The following PCNX2 variants were observed in gnomAD, a reference collection of about 807,000 sequenced individuals.
PCNX2 encodes the protein pecanex 2.
In PCNX2, 168 loss-of-function variants were observed where a neutral mutation model predicts 223.8. The observed-to-expected ratio is 0.75, with a 90% confidence interval of 0.66 to 0.85. PCNX2 has a LOEUF of 0.85. Ranked by LOEUF, PCNX2 falls within the 40% of genes least tolerant of loss-of-function variation. The pLI, the probability that PCNX2 is intolerant of heterozygous loss-of-function variation, is 0.00. For missense variants in PCNX2, 2,507 were observed against 2,675.5 expected (o/e 0.94, Z 1.39); for synonymous variants, 1,006 against 1,052.6 (o/e 0.96, Z 0.86).
At chr1:233,153,120 G>C (rs1167383599) in intron 19 of PCNX2, among the ~76,000 whole-genome samples, 1 of 152,186 alleles carries the variant, frequency 6.6e-6, no homozygotes, top group Non-Finnish European at 1.5e-5. Context: ...AGCAGCAGTG[G>C]ATGCTGGAAG....
At chr1:233,265,252 A>G (rs1660267450) in intron 1 of PCNX2, among the ~76,000 whole-genome samples, 1 of 151,594 alleles carries the variant, frequency 6.6e-6, no homozygotes, top group Non-Finnish European at 1.5e-5. Flanking sequence ...TCTAAAAAAA[A>G]AAAAGGAATT....
At chr1:233,313,957 C>T in the PCNX2 span, among the ~76,000 whole-genome samples, 1 of 152,166 alleles carries the variant, frequency 6.6e-6, no homozygotes, top group East Asian at 1.9e-4. Context: ...CCACATCTGT[C>T]AAAATTACAA....
At chr1:233,130,465 T>TTGTGTG (rs55865610) in intron 21 of PCNX2, among the ~76,000 whole-genome samples, 29,136 of 136,180 alleles carry the variant, frequency 0.21, 3,260 homozygotes, top group East Asian at 0.27. Flanking sequence ...CCCCCAACTT[T>TTGTGTG]TGTGTGTGTG....
chr1:233,145,225 C>T lies in PCNX2; in HGVS notation c.3518-5370G>A, dbSNP rs960008407. On this transcript the variant is annotated intron_variant, in intron 19 of 33. Coordinates refer to ENST00000258229, the MANE Select transcript of PCNX2 (RefSeq NM_014801.4). ...TTGTGATTCGCCTGCTTCGGACTCC[C>T]AAAGTGTTGGGATTACAGCCATGAG... Among the ~76,000 whole-genome samples the T allele has an allele frequency of 3.3e-5, 5 of 152,214 alleles. No homozygotes were observed. In the East Asian group the frequency reaches 5.8e-4, roughly 18 times the overall value.
intron 23 of PCNX2, among the ~76,000 whole-genome samples, chr1:233,074,711 A>G (rs1017536445): frequency 6.6e-6 from 1 of 152,062 alleles, no homozygotes; most frequent in East Asian, 1.9e-4. Context: ...TAGGTAAGAA[A>G]TTCTCAAAAT....
chr1:233,109,506 T>C (rs896430008), intron 21 of PCNX2, among the ~76,000 whole-genome samples: 3 of 152,194 alleles, frequency 2.0e-5, no homozygotes, highest in Admixed American at 6.5e-5. Flanking sequence ...GTGGAAATGA[T>C]AGAAGTGAAA....
intron 1 of PCNX2, chr1:233,288,881 G>A (rs1341504362): frequency 1.5e-6 from 2 of 1,336,810 alleles, no homozygotes; most frequent in African/African-American, 2.9e-5. Flanking sequence ...GAAACTCTGG[G>A]AATTCAAAAT....
intron 28 of PCNX2, among the ~76,000 whole-genome samples, chr1:233,004,785 T>C (rs1325784738): frequency 6.6e-6 from 1 of 152,198 alleles, no homozygotes; most frequent in Non-Finnish European, 1.5e-5. Flanking sequence ...ATCATTAATA[T>C]CTAGGACTCC....
intron 32 of PCNX2, among the ~76,000 whole-genome samples, chr1:232,988,512 C>A (rs938369543): frequency 2.6e-5 from 4 of 152,022 alleles, no homozygotes; most frequent in African/African-American, 9.7e-5. Flanking sequence ...CATTATTTTA[C>A]AATTTAACTT....
At chr1:233,128,133 A>C (rs1676209627) in intron 21 of PCNX2, among the ~76,000 whole-genome samples, 1 of 152,170 alleles carries the variant, frequency 6.6e-6, no homozygotes, top group Non-Finnish European at 1.5e-5. Flanking sequence ...TCATAAATAC[A>C]ACCTCATACA....
At position 233,236,224 on chromosome 1, in the gene PCNX2, G is replaced by A. The variant is rs79223364; in HGVS notation, c.2358+621C>T. On this transcript the variant is annotated intron_variant, in intron 9 of 33. Transcript: ENST00000258229. ...CAAAATGCCCAAAATTGAATCTGCA[G>A]CTCTAACTTCATGTCTGCGTGTTTC... 6.7e-3 allele frequency among the ~76,000 whole-genome samples: 1,016 copies of A among 151,964 alleles called. 6 individuals are homozygous for A. Among genetic ancestry groups the A allele is most frequent in the Non-Finnish European group, 9.7e-3 (656 of 67,960 alleles).
At chr1:232,986,030 T>C (rs1558142040) in intron 33 of PCNX2, 62 bp downstream of exon 33, 3 of 1,527,254 alleles carry the variant, frequency 2.0e-6, no homozygotes, top group Non-Finnish European at 1.8e-6. Context: ...GGTGCCACGC[T>C]CAGGCCAGGA....
rs375570095 is a variant in PCNX2 at position 233,139,874 on chromosome 1, C to A, written c.3518-19G>T. 1 of 1,606,318 alleles carries A rather than the reference C, an allele frequency of 6.2e-7. No individual in the cohort carries two copies. The highest frequency in any genetic ancestry group is 1.3e-5 in the African/African-American group (1 of 74,436). ...GCAACATCTGAAAGAAATATAAAAA[C>A]CACTTAGAACAACCACCGATCAAAG... On this transcript the variant is annotated intron_variant, in intron 19 of 33. Transcript: ENST00000258229. This position sits in a 1 kb window ranked among gnomAD's most constrained non-coding sequence, Gnocchi z 4.4.
In PCNX2 at chr1:233,262,246, C is replaced by CT. The variant is rs1159701728; in HGVS notation, c.360-82dup. ...GACTCTTTTAGTACTAGTCTAAAAA[C>CT]TTTTTTTCCTAGAGTCCATTTTGTT... On this transcript the variant is annotated intron_variant, in intron 2 of 33. Transcript: ENST00000258229. 6.5e-6 allele frequency: 10 copies of CT among 1,538,986 alleles called. No individual in the cohort carries two copies. In the Admixed American group the frequency reaches 2.0e-4, roughly 31 times the overall value.
chr1:233,220,070 G>A (rs1004685672), intron 10 of PCNX2, among the ~76,000 whole-genome samples: 8 of 152,122 alleles, frequency 5.3e-5, no homozygotes, highest in Non-Finnish European at 1.0e-4. Context: ...CTTTCTTTAA[G>A]TACTATGCAG....
intron 21 of PCNX2, among the ~76,000 whole-genome samples, chr1:233,096,105 C>CTA (rs755808169): frequency 7.2e-5 from 11 of 152,262 alleles, no homozygotes; most frequent in Admixed American, 2.6e-4. Flanking sequence ...TTATTTCAAC[C>CTA]TATATATATG....
At chr1:233,318,034 TTGCCCTATCTCCCAAGTGTAATCCA>T in the PCNX2 span, among the ~76,000 whole-genome samples, 1 of 152,204 alleles carries the variant, frequency 6.6e-6, no homozygotes, top group Non-Finnish European at 1.5e-5. Flanking sequence ...ACATACACAC[TTGCCCTATCTCCCAAGTGTAATCCA>T]AGGTAAGTAT....
intron 7 of PCNX2, 59 bp downstream of exon 7, chr1:233,252,295 C>A (rs1659501392): frequency 6.5e-7 from 1 of 1,540,974 alleles, no homozygotes; most frequent in South Asian, 1.2e-5. Context: ...CACACTGAGT[C>A]CTGAGAAAGC....
chr1:233,300,342 T>C (rs1662238666), upstream of PCNX2, among the ~76,000 whole-genome samples: 2 of 152,228 alleles, frequency 1.3e-5, no homozygotes, highest in African/African-American at 4.8e-5. Context: ...AGAAACAATG[T>C]AAAAGTTGAA....
Sources: allele counts gnomAD v4.1 joint callset (sites outside exome capture counted in the v4.1 genomes callset), GRCh38; gene constraint gnomAD v4.1.1; non-coding constraint Gnocchi (gnomAD v3.1); transcripts MANE v1.5; gene names NCBI Gene and HGNC (gene_info 2026-07-23, HGNC 2026-07-21).